DEUP1: variants seen among roughly 807,000 people sequenced by gnomAD.
DEUP1 encodes the protein coiled-coil domain containing 67.
A neutral mutation model predicts 87.4 loss-of-function variants in DEUP1; 82 were observed. The ratio of observed to expected loss-of-function variants is 0.94; its 90% CI spans 0.78 to 1.13. The LOEUF is 1.13. Ranked by LOEUF, DEUP1 falls within the 50% of genes most tolerant of loss-of-function variation. The pLI, the probability that DEUP1 is intolerant of heterozygous loss-of-function variation, is 0.00. For missense variants in DEUP1, 663 were observed against 681.5 expected (o/e 0.97, Z 0.30); for synonymous variants, 214 against 222.7 (o/e 0.96, Z 0.35).
Position 93,355,528 on chromosome 11 carries a change from C to T in DEUP1, c.187C>T (p.Gln63Ter), listed in dbSNP as rs775912242. ...ELANAQTCLDQKGQEVGLLRQ... is the reference protein window; with the variant it reads ...ELANAQTCLD ...GGCAAATGCACAAACTTGTTTGGATCAGAAAGGTCAAGAGGTACTGAATAC... is the reference window on the plus strand; with the variant it reads ...GGCAAATGCACAAACTTGTTTGGATTAGAAAGGTCAAGAGGTACTGAATAC... The change falls in exon 3 of 14, where the codon CAG (glutamine) becomes TAG (stop). Residue 63 changes from glutamine to a stop codon, truncating the protein, a stop_gained. Transcript: ENST00000298050. LOFTEE classifies it high-confidence loss of function. 7.4e-6 allele frequency: 12 copies of T among 1,613,358 alleles called. No homozygotes were observed. The East Asian group carries it at 2.7e-4, about 36-fold the overall frequency.
intron 11 of DEUP1, among the ~76,000 whole-genome samples, chr11:93,403,026 A>T (rs977173902): frequency 6.6e-6 from 1 of 152,050 alleles, no homozygotes; most frequent in Non-Finnish European, 1.5e-5. Context: ...TAGCATAAAG[A>T]AAAGACAAAT....
intron 12 of DEUP1, among the ~76,000 whole-genome samples, chr11:93,410,012 C>T (rs572681933): frequency 1.3e-5 from 2 of 152,046 alleles, no homozygotes; most frequent in East Asian, 3.9e-4. Flanking sequence ...GCATACTCAG[C>T]TCTACAGGTA....
intron 13 of DEUP1, among the ~76,000 whole-genome samples, chr11:93,415,724 C>G (rs562670534): frequency 1.1e-3 from 164 of 152,000 alleles, no homozygotes; most frequent in African/African-American, 3.7e-3. Context: ...TAAATGATAT[C>G]ATATGATATA....
chr11:93,347,906 A>AT (rs1000056719), intron 2 of DEUP1, among the ~76,000 whole-genome samples: 39 of 151,720 alleles, frequency 2.6e-4, no homozygotes, highest in Admixed American at 2.5e-3. Flanking sequence ...CGCCTGGCTA[A>AT]TTTTTTTGTA....
intron 11 of DEUP1, among the ~76,000 whole-genome samples, chr11:93,401,843 C>T (rs1358420661): frequency 1.3e-5 from 2 of 151,818 alleles, no homozygotes; most frequent in Admixed American, 1.3e-4. Context: ...TCTCACCAAA[C>T]AAAAATCAAA....
chr11:93,405,213 G>C (rs572078567), intron 11 of DEUP1, among the ~76,000 whole-genome samples: 1 of 151,812 alleles, frequency 6.6e-6, no homozygotes, highest in East Asian at 1.9e-4. Context: ...TTTTCAACCA[G>C]GTCTGCCCAT....
intron 11 of DEUP1, among the ~76,000 whole-genome samples, chr11:93,404,164 C>A (rs1947200719): frequency 6.6e-6 from 1 of 151,994 alleles, no homozygotes; most frequent in Non-Finnish European, 1.5e-5. Flanking sequence ...GGGGAATGTA[C>A]TGATGGGACT....
intron 2 of DEUP1, among the ~76,000 whole-genome samples, chr11:93,341,257 A>T (rs865932178): frequency 0.011 from 1,705 of 149,354 alleles, 21 homozygotes; most frequent in South Asian, 0.072. Flanking sequence ...GTCTCTACAA[A>T]AAAAAAAAAA....
At chr11:93,388,856 T>C (rs1164722297) in intron 8 of DEUP1, among the ~76,000 whole-genome samples, 164 bp from the exon 9 acceptor site, 2 of 152,216 alleles carry the variant, frequency 1.3e-5, no homozygotes, top group African/African-American at 2.4e-5. Context: ...TAAATACTTA[T>C]GGGATCTGAA....
chr11:93,429,137 G>A (rs550189979), intron 13 of DEUP1, among the ~76,000 whole-genome samples: 5 of 152,068 alleles, frequency 3.3e-5, no homozygotes, highest in African/African-American at 9.6e-5. Context: ...TTGCTTATAT[G>A]TTGGTTTTGC....
At position 93,437,617 on chromosome 11, in the gene DEUP1, AG is replaced by A; in HGVS notation, c.1714del (p.Glu572AsnfsTer6). 1.2e-6 allele frequency: 2 copies of A among 1,613,326 alleles called. No homozygotes were observed. Among genetic ancestry groups the A allele is most frequent in the South Asian group, 2.2e-5 (2 of 91,064 alleles). ...TTCTGGAAGAAGAGAAACGAGCAAA[AG>A]AACTTGAAAAACTTCTAAATACACA... ...FLLEEEKRAKELEKLLNTHID... is the reference protein window; with the variant it reads ...FLLEEEKRAKXLEKLLNTHID... On this transcript the variant is annotated frameshift_variant, in exon 14 of 14. Coordinates refer to ENST00000298050, the MANE Select transcript of DEUP1 (RefSeq NM_181645.4). LOFTEE classifies it high-confidence loss of function.
intron 2 of DEUP1, chr11:93,352,502 A>C: frequency 1.5e-6 from 1 of 654,316 alleles, no homozygotes; most frequent in East Asian, 2.7e-5. Flanking sequence ...ACCCTCCTGG[A>C]CCCAAGATAT....
chr11:93,408,061 T>A (rs1947332570), intron 11 of DEUP1, among the ~76,000 whole-genome samples, 170 bp from the exon 12 acceptor site: 1 of 152,004 alleles, frequency 6.6e-6, no homozygotes, highest in Admixed American at 6.6e-5. Context: ...ATCTGCTTGT[T>A]GTGAGGAGGT....
intron 6 of DEUP1, 102 bp from the exon 7 acceptor site, chr11:93,370,936 T>C (rs1945688200): frequency 9.5e-7 from 1 of 1,053,894 alleles, no homozygotes; most frequent in Non-Finnish European, 1.4e-6. Flanking sequence ...TAGTAACATA[T>C]TTAAAGATAT....
chr11:93,375,060 A>C (rs901281821), intron 7 of DEUP1, among the ~76,000 whole-genome samples: 27 of 148,874 alleles, frequency 1.8e-4, no homozygotes, highest in Non-Finnish European at 2.2e-4. Context: ...CACTATTGTA[A>C]AAGAGGTTGA....
chr11:93,384,826 T>G (rs1190532389), intron 7 of DEUP1, among the ~76,000 whole-genome samples: 1 of 152,258 alleles, frequency 6.6e-6, no homozygotes, highest in African/African-American at 2.4e-5. Context: ...ATGATTTGAT[T>G]ATTCTTTGTC....
intron 2 of DEUP1, chr11:93,352,246 T>G (rs1008429833): frequency 2.0e-5 from 13 of 654,144 alleles, no homozygotes; most frequent in Non-Finnish European, 3.6e-5. Context: ...CTACCATCAT[T>G]GAAATGGATG....
chr11:93,410,716 T>A (rs375440179), intron 12 of DEUP1, among the ~76,000 whole-genome samples: 4 of 152,226 alleles, frequency 2.6e-5, no homozygotes, highest in African/African-American at 7.2e-5. Context: ...AAAAAGACAG[T>A]TACTCTGCCT....
intron 9 of DEUP1, among the ~76,000 whole-genome samples, chr11:93,389,430 C>T (rs1413523728): frequency 6.6e-6 from 1 of 152,188 alleles, no homozygotes; most frequent in Non-Finnish European, 1.5e-5. Context: ...TGCTCAACCA[C>T]ACACGTAAGC....
Sources: gnomAD v4.1 joint callset for allele counts (sites outside exome capture counted in the v4.1 genomes callset) on GRCh38, gnomAD v4.1.1 for gene constraint, MANE v1.5 for transcripts, NCBI Gene and HGNC (gene_info 2026-07-23, HGNC 2026-07-21) for gene names.